Variants in GFRA3 observed in about 807,000 individuals in gnomAD.
GFRA3 encodes GDNF family receptor alpha 3, also known as GDNF family receptor alpha-3.
GFRA3 carries 24 observed loss-of-function variants against 40.0 expected under a neutral mutation model. That is an observed-to-expected ratio of 0.60 (90% CI 0.43 to 0.84). GFRA3 has a LOEUF of 0.84. Among genes scored for constraint, GFRA3 ranks in the 40% least tolerant of loss-of-function variants. The pLI, the probability that GFRA3 is intolerant of heterozygous loss-of-function variation, is 0.00. For missense variants in GFRA3, 405 were observed against 530.6 expected (o/e 0.76, Z 2.33); for synonymous variants, 203 against 213.5 (o/e 0.95, Z 0.43).
intron 4 of GFRA3, among the ~76,000 whole-genome samples, chr5:138,255,027 AAGG>A: frequency 1.3e-5 from 1 of 76,220 alleles, no homozygotes; most frequent in Non-Finnish European, 3.6e-5. Context: ...GAGAGAGAGG[AAGG>A]AAGGAAGGAG....
At position 138,271,427 on chromosome 5, in the gene GFRA3, G is replaced by A. The variant is rs543207035; in HGVS notation, c.91+2907C>T. Reference sequence around the variant, plus strand: ...TCTCAACAAAGAACTTGGGGGCCACGTTAAATTTCATCTCAACAAGGTGGA... The same window carrying A: ...TCTCAACAAAGAACTTGGGGGCCACATTAAATTTCATCTCAACAAGGTGGA... On this transcript the variant is annotated intron_variant, in intron 1 of 7. Coordinates refer to ENST00000274721, the MANE Select transcript of GFRA3 (RefSeq NM_001496.4). Among the ~76,000 whole-genome samples, 20 of 152,296 alleles carry A rather than the reference G, an allele frequency of 1.3e-4. No individual in the cohort carries two copies. In the South Asian group the frequency reaches 3.7e-3, roughly 28 times the overall value.
intron 1 of GFRA3, among the ~76,000 whole-genome samples, chr5:138,268,997 A>G (rs1402003369): frequency 6.6e-6 from 1 of 152,106 alleles, no homozygotes; most frequent in East Asian, 1.9e-4. Context: ...TGAATAGACA[A>G]TTCTCAAAAG....
At chr5:138,261,018 T>TA (rs1159367350) in intron 2 of GFRA3, among the ~76,000 whole-genome samples, 1 of 151,822 alleles carries the variant, frequency 6.6e-6, no homozygotes, top group Non-Finnish European at 1.5e-5. Flanking sequence ...AGACTCCAAC[T>TA]AAAAAAAACA....
intron 7 of GFRA3, 101 bp downstream of exon 7, chr5:138,253,186 G>T: frequency 1.1e-6 from 1 of 873,480 alleles, no homozygotes; most frequent in Non-Finnish European, 1.9e-6. Context: ...TCAGGGCAAT[G>T]AGGAGGTCAG....
Sources: gnomAD v4.1 joint callset for allele counts (sites outside exome capture counted in the v4.1 genomes callset) on GRCh38, gnomAD v4.1.1 for gene constraint, MANE v1.5 for transcripts, NCBI Gene and HGNC (gene_info 2026-07-23, HGNC 2026-07-21) for gene names.